Variants in KCTD16 observed in about 807,000 individuals in gnomAD.
KCTD16 encodes the protein potassium channel tetramerization domain containing 16, also known as BTB/POZ domain-containing protein KCTD16.
In KCTD16, 13 loss-of-function variants were observed where a neutral mutation model predicts 33.2. That is an observed-to-expected ratio of 0.39 (90% CI 0.25 to 0.62). The LOEUF (loss-of-function observed/expected upper bound fraction) is 0.62, where lower values mean the gene tolerates loss of function less well. KCTD16 is among the 20% of genes least tolerant of loss of function. The probability of loss-of-function intolerance (pLI) is 0.50; values close to 1 mark genes in which losing one functional copy is unlikely to be tolerated. For synonymous variants in KCTD16, 197 were observed against 195.3 expected (o/e 1.01, Z -0.07); for missense variants, 441 against 525.1 (o/e 0.84, Z 1.57).
chr5:144,418,055 A>C (rs916331953), intron 3 of KCTD16, among the ~76,000 whole-genome samples: 1 of 152,112 alleles, frequency 6.6e-6, no homozygotes, highest in Non-Finnish European at 1.5e-5. Flanking sequence ...AGACCTTGGC[A>C]GTGAGTATTA....
Position 144,349,479 on chromosome 5 carries a change from A to G in KCTD16, c.833-124181A>G, listed in dbSNP as rs184984596. ...GTTATAGATGCTATACAGTGTAGGA[A>G]TATCACAATCATTTCTTTTTTTCTG... On this transcript the variant is annotated intron_variant, in intron 3 of 3. Coordinates refer to ENST00000512467, the MANE Select transcript of KCTD16 (RefSeq NM_020768.4). Among the ~76,000 whole-genome samples the G allele has an allele frequency of 1.6e-3, 239 of 152,326 alleles. 1 individual carries two copies. The highest frequency in any genetic ancestry group is 3.1e-3 in the Non-Finnish European group (208 of 68,026).
At chr5:144,217,693 T>C (rs921291989) in intron 3 of KCTD16, among the ~76,000 whole-genome samples, 4 of 152,166 alleles carry the variant, frequency 2.6e-5, no homozygotes, top group African/African-American at 9.7e-5. Context: ...ATGCAAAGAA[T>C]CAGCATTCTG....
At chr5:144,197,267 A>C (rs1417413403) in intron 2 of KCTD16, among the ~76,000 whole-genome samples, 1 of 152,194 alleles carries the variant, frequency 6.6e-6, no homozygotes, top group Non-Finnish European at 1.5e-5. Context: ...TCTTATTTCT[A>C]TAAGCTTTTA....
intron 3 of KCTD16, among the ~76,000 whole-genome samples, chr5:144,415,607 A>G (rs966053992): frequency 1.3e-5 from 2 of 152,250 alleles, no homozygotes; most frequent in Non-Finnish European, 2.9e-5. Flanking sequence ...GAGGAATTGT[A>G]CAAAAAATCC....
intron 3 of KCTD16, among the ~76,000 whole-genome samples, chr5:144,299,140 ATATATATATTTTTTTT>A (rs1383171726): frequency 2.0e-3 from 55 of 27,024 alleles, no homozygotes; most frequent in African/African-American, 0.017. Context: ...ATATATATAT[ATATATATATTTTTTTT>A]TTTTTTTTTA....
At chr5:144,441,663 G>A (rs891546838) in intron 3 of KCTD16, among the ~76,000 whole-genome samples, 3 of 151,782 alleles carry the variant, frequency 2.0e-5, no homozygotes, top group South Asian at 4.1e-4. Context: ...ATTCTCAGTC[G>A]TATTGTATTT....
intron 3 of KCTD16, among the ~76,000 whole-genome samples, chr5:144,246,991 T>G (rs1190712354): frequency 6.6e-6 from 1 of 152,166 alleles, no homozygotes; most frequent in Non-Finnish European, 1.5e-5. Context: ...TCATGTTCCT[T>G]TTACTGTAAA....
chr5:144,371,081 C>T lies in KCTD16; in HGVS notation c.833-102579C>T, dbSNP rs1751956219. Among the ~76,000 whole-genome samples, 4 of 152,080 alleles carry T rather than the reference C, an allele frequency of 2.6e-5. No individual in the cohort carries two copies. In the South Asian group the frequency reaches 8.3e-4, roughly 32 times the overall value. On this transcript the variant is annotated intron_variant, in intron 3 of 3. Transcript: ENST00000512467. ...TCTGGTTCTGGCTACTCCCACACCT[C>T]TCCCTTTCGTTTGGTGACATGAACT... is the stretch of plus-strand genomic sequence containing the variant.
chr5:144,377,078 C>A (rs1752109102), intron 3 of KCTD16, among the ~76,000 whole-genome samples: 1 of 152,178 alleles, frequency 6.6e-6, no homozygotes, highest in Non-Finnish European at 1.5e-5. Context: ...TTTTATCAAA[C>A]TCATTTCCTA....
chr5:144,387,089 C>T (rs1303783819), intron 3 of KCTD16, among the ~76,000 whole-genome samples: 1 of 151,982 alleles, frequency 6.6e-6, no homozygotes, highest in African/African-American at 2.4e-5. Flanking sequence ...ACCCCAGCTT[C>T]CCAAGTAGCT....
chr5:144,373,928 C>T (rs1000926707), intron 3 of KCTD16, among the ~76,000 whole-genome samples: 3 of 152,186 alleles, frequency 2.0e-5, no homozygotes, highest in Non-Finnish European at 2.9e-5. Context: ...AATGTATTAT[C>T]GTACAGTTCT....
chr5:144,275,978 T>G (rs1410959700), intron 3 of KCTD16, among the ~76,000 whole-genome samples: 1 of 152,240 alleles, frequency 6.6e-6, no homozygotes, highest in Non-Finnish European at 1.5e-5. Flanking sequence ...CCTTTAGGAC[T>G]TTTCAAAGTG....
intron 3 of KCTD16, among the ~76,000 whole-genome samples, chr5:144,271,854 A>G (rs1217570902): frequency 5.3e-5 from 8 of 152,114 alleles, no homozygotes; most frequent in Non-Finnish European, 1.2e-4. Context: ...AATCAGTTGT[A>G]TTTCTATATA....
chr5:144,287,201 A>T (rs59225615), intron 3 of KCTD16, among the ~76,000 whole-genome samples: 1 of 152,000 alleles, frequency 6.6e-6, no homozygotes, highest in Non-Finnish European at 1.5e-5. Flanking sequence ...AGGCAAGATC[A>T]TCAGAAAGTC....
At position 144,366,987 on chromosome 5, in the gene KCTD16, G is replaced by A. The variant is rs1580906210; in HGVS notation, c.833-106673G>A. 2.0e-5 allele frequency among the ~76,000 whole-genome samples: 3 copies of A among 152,252 alleles called. No homozygotes were observed. The Middle Eastern group carries it at 0.01, about 518-fold the overall frequency. On this transcript the variant is annotated intron_variant, in intron 3 of 3. Coordinates refer to ENST00000512467, the MANE Select transcript of KCTD16 (RefSeq NM_020768.4). Reference sequence around the variant, plus strand: ...TGGCTCATGGCCTCTGCCTCCCTAAGAGGCAGGGCTATTAGAGGAGGGGTC... The same window carrying A: ...TGGCTCATGGCCTCTGCCTCCCTAAAAGGCAGGGCTATTAGAGGAGGGGTC...
intron 3 of KCTD16, among the ~76,000 whole-genome samples, chr5:144,218,628 A>G (rs561307980): frequency 6.6e-6 from 1 of 152,324 alleles, no homozygotes; most frequent in East Asian, 1.9e-4. Flanking sequence ...TCTAAATGAT[A>G]ACCAAGATAA....
intron 3 of KCTD16, among the ~76,000 whole-genome samples, chr5:144,397,127 A>G (rs1465655040): frequency 7.8e-6 from 1 of 128,120 alleles, no homozygotes; most frequent in Admixed American, 9.8e-5. Flanking sequence ...CCTGTGTCCA[A>G]GTGTTCTCAT....
intron 3 of KCTD16, among the ~76,000 whole-genome samples, chr5:144,291,485 A>G (rs1307515932): frequency 1.3e-5 from 2 of 152,214 alleles, no homozygotes; most frequent in Non-Finnish European, 2.9e-5. Flanking sequence ...GACTTATTGA[A>G]AGATCTTGTA....
chr5:144,437,029 A>T (rs1753595316), intron 3 of KCTD16, among the ~76,000 whole-genome samples: 2 of 152,350 alleles, frequency 1.3e-5, no homozygotes, highest in Admixed American at 1.3e-4. Context: ...AAAGAATGTT[A>T]CTGAAAGGAC....
Sources: gnomAD v4.1 joint callset for allele counts (sites outside exome capture counted in the v4.1 genomes callset) on GRCh38, gnomAD v4.1.1 for gene constraint, MANE v1.5 for transcripts, NCBI Gene and HGNC (gene_info 2026-07-23, HGNC 2026-07-21) for gene names.